Variants in ZNF385B observed in about 807,000 individuals in gnomAD.
ZNF385B encodes zinc finger protein 385B, also known as zinc finger protein 533.
Under a neutral mutation model 39.2 loss-of-function variants are expected in ZNF385B, and 23 were observed. The observed-to-expected ratio is 0.59, with a 90% CI of 0.42 to 0.83. The LOEUF is 0.83. Among genes scored for constraint, ZNF385B ranks in the 40% least tolerant of loss-of-function variants. The pLI, the probability that ZNF385B is intolerant of heterozygous loss-of-function variation, is 0.00. For missense variants in ZNF385B, 552 were observed against 598.9 expected (o/e 0.92, Z 0.82); for synonymous variants, 205 against 222.6 (o/e 0.92, Z 0.70).
At chr2:179,709,593 C>T (rs909630611) in intron 3 of ZNF385B, among the ~76,000 whole-genome samples, 5 of 152,198 alleles carry the variant, frequency 3.3e-5, no homozygotes, top group Admixed American at 6.5e-5. Context: ...CCACAGAAGA[C>T]GTGGCCCATT....
chr2:179,520,833 T>C (rs1190923218), intron 4 of ZNF385B, among the ~76,000 whole-genome samples: 1 of 152,230 alleles, frequency 6.6e-6, no homozygotes, highest in Non-Finnish European at 1.5e-5. Flanking sequence ...TTTTGCCATA[T>C]CCATACACTA....
intron 3 of ZNF385B, among the ~76,000 whole-genome samples, chr2:179,686,355 C>A (rs1697924759): frequency 6.6e-6 from 1 of 152,076 alleles, no homozygotes; most frequent in Non-Finnish European, 1.5e-5. Flanking sequence ...TCCATGCTCT[C>A]TATATTCTAA....
At chr2:179,729,661 T>C (rs1701257682) in intron 3 of ZNF385B, among the ~76,000 whole-genome samples, 2 of 152,176 alleles carry the variant, frequency 1.3e-5, no homozygotes, top group South Asian at 4.1e-4. Flanking sequence ...TTAAATACCA[T>C]ATGATATGGT....
At chr2:179,583,883 A>G in intron 3 of ZNF385B, 1 of 1,300,152 alleles carries the variant, frequency 7.7e-7, no homozygotes, top group South Asian at 1.2e-5. Flanking sequence ...CTCAGTCCAC[A>G]TATAAATTAT....
At chr2:179,656,344 A>G (rs910692063) in intron 3 of ZNF385B, among the ~76,000 whole-genome samples, 2 of 152,260 alleles carry the variant, frequency 1.3e-5, no homozygotes, top group South Asian at 4.1e-4. Flanking sequence ...TAAACTAAAG[A>G]GAAGAAAACT....
In ZNF385B at chr2:179,657,207, G is replaced by A. The variant is rs565749646; in HGVS notation, c.299-112238C>T. Among the ~76,000 whole-genome samples, 9 of 152,254 alleles carry A rather than the reference G, an allele frequency of 5.9e-5. No individual in the cohort carries two copies. In the East Asian group the frequency reaches 1.7e-3, roughly 29 times the overall value. On this transcript the variant is annotated intron_variant, in intron 3 of 9. Coordinates refer to ENST00000410066, the MANE Select transcript of ZNF385B (RefSeq NM_152520.6). ...TAACACAAGTATTTGAAGAAAAGAT[G>A]CTAGCTCCTATTCATGATGAACAAG...
intron 3 of ZNF385B, among the ~76,000 whole-genome samples, chr2:179,550,888 A>T (rs2060518167): frequency 7.4e-6 from 1 of 135,900 alleles, no homozygotes; most frequent in African/African-American, 3.0e-5. Context: ...GCCAAAATGC[A>T]TTGCACTCTG....
chr2:179,826,486 C>T (rs1707690398), intron 1 of ZNF385B, among the ~76,000 whole-genome samples: 1 of 152,138 alleles, frequency 6.6e-6, no homozygotes. Flanking sequence ...CCAGCCCCAT[C>T]CATCTCTGTG....
At chr2:179,488,748 A>C (rs1468486662) in intron 5 of ZNF385B, among the ~76,000 whole-genome samples, 1 of 152,196 alleles carries the variant, frequency 6.6e-6, no homozygotes, top group Non-Finnish European at 1.5e-5. Context: ...CAGTGTTATA[A>C]GGGAAATAGC....
chr2:179,495,613 C>T (rs150565480), intron 5 of ZNF385B, among the ~76,000 whole-genome samples: 52 of 152,286 alleles, frequency 3.4e-4, no homozygotes, highest in Middle Eastern at 6.8e-3. Flanking sequence ...AGTGGCCACA[C>T]GGGTGCTTGT....
At chr2:179,831,326 C>G (rs1189015945) in intron 1 of ZNF385B, among the ~76,000 whole-genome samples, 1 of 152,030 alleles carries the variant, frequency 6.6e-6, no homozygotes, top group South Asian at 2.1e-4. Flanking sequence ...GAAACAGGAG[C>G]TTTCTCCAAT....
chr2:179,606,528 CT>C (rs1688816768), intron 3 of ZNF385B, among the ~76,000 whole-genome samples: 1 of 151,874 alleles, frequency 6.6e-6, no homozygotes, highest in Non-Finnish European at 1.5e-5. Flanking sequence ...GTTGTGGGTG[CT>C]GTGGAAATTT....
At chr2:179,821,006 C>G (rs980720558) in intron 1 of ZNF385B, among the ~76,000 whole-genome samples, 10 of 152,106 alleles carry the variant, frequency 6.6e-5, no homozygotes, top group Non-Finnish European at 1.3e-4. Flanking sequence ...TCAGAGCAAC[C>G]TATCAAAACT....
intron 3 of ZNF385B, among the ~76,000 whole-genome samples, chr2:179,691,016 G>A (rs1452924209): frequency 6.6e-6 from 1 of 152,138 alleles, no homozygotes; most frequent in Admixed American, 6.5e-5. Context: ...TGGCAGGGAG[G>A]CAGTGACAAG....
At chr2:179,738,125 G>A (rs6433805) in intron 3 of ZNF385B, among the ~76,000 whole-genome samples, 13,902 of 152,074 alleles carry the variant, frequency 0.091, 708 homozygotes, top group Non-Finnish European at 0.11. Context: ...CATGTCCAAA[G>A]AAAAAAGGAA....
intron 5 of ZNF385B, 38 bp from the exon 6 acceptor site, chr2:179,483,472 A>C (rs1410307740): frequency 6.2e-7 from 1 of 1,612,140 alleles, no homozygotes; most frequent in African/African-American, 1.3e-5. Context: ...TTTTTTGCTA[A>C]TTACAAACAC....
At chr2:179,603,845 G>C (rs562662563) in intron 3 of ZNF385B, among the ~76,000 whole-genome samples, 2 of 152,256 alleles carry the variant, frequency 1.3e-5, no homozygotes, top group East Asian at 3.9e-4. Flanking sequence ...ATTTATGGGA[G>C]AGTAAACAGG....
chr2:179,786,512 C>T (rs1705012002), intron 1 of ZNF385B, among the ~76,000 whole-genome samples: 1 of 151,906 alleles, frequency 6.6e-6, no homozygotes, highest in Non-Finnish European at 1.5e-5. Context: ...GGTCTGATTC[C>T]TGGGTTGTAG....
intron 1 of ZNF385B, among the ~76,000 whole-genome samples, chr2:179,774,410 G>A (rs998114097): frequency 3.2e-4 from 48 of 152,046 alleles, no homozygotes; most frequent in African/African-American, 1.1e-3. Context: ...GCCCAGGCTG[G>A]AGTGTAGTGG....
Sources: allele counts gnomAD v4.1 joint callset (sites outside exome capture counted in the v4.1 genomes callset), GRCh38; gene constraint gnomAD v4.1.1; transcripts MANE v1.5; gene names NCBI Gene and HGNC (gene_info 2026-07-23, HGNC 2026-07-21).